Variants in NCK1 observed in about 807,000 individuals in gnomAD.
NCK1 encodes SH2/SH3 adapter protein NCK1.
A neutral mutation model predicts 36.6 loss-of-function variants in NCK1; 19 were observed. The ratio of observed to expected loss-of-function variants is 0.52; its 90% confidence interval spans 0.36 to 0.76. The LOEUF (loss-of-function observed/expected upper bound fraction) is 0.76. Among genes scored for constraint, NCK1 ranks in the 30% least tolerant of loss-of-function variants. The pLI, the probability that NCK1 is intolerant of heterozygous loss-of-function variation, is 0.00. For missense variants in NCK1, 358 were observed against 445.6 expected (o/e 0.80, Z 1.77); for synonymous variants, 165 against 156.0 (o/e 1.06, Z -0.43).
At chr3:136,877,070 A>G (rs1229681148) in intron 1 of NCK1, among the ~76,000 whole-genome samples, 1 of 152,208 alleles carries the variant, frequency 6.6e-6, no homozygotes, top group African/African-American at 2.4e-5. Flanking sequence ...CATAAGCATA[A>G]TATGAGATAT....
Position 136,948,516 on chromosome 3 carries a change from A to G in NCK1, c.*63A>G. On this transcript the variant is annotated 3_prime_UTR_variant, in exon 4 of 4. Coordinates refer to ENST00000481752, the MANE Select transcript of NCK1 (RefSeq NM_001291999.2). ...TTGTCATGTAATTGAAGACTGAGAA[A>G]ATGTTGGGTCCAGTCGTGCTTGATT... is the stretch of plus-strand genomic sequence containing the variant. 1 of 1,429,038 alleles carries G rather than the reference A, an allele frequency of 7.0e-7. No individual in the cohort carries two copies. The highest frequency in any genetic ancestry group is 9.7e-7 in the Non-Finnish European group (1 of 1,035,984). The allele number at this position is 1,429,038 out of a possible 1,614,324, so 88.5% of individuals were successfully genotyped here. A position where few individuals can be genotyped will look rare whatever the true frequency, so the allele number is the denominator to read the frequency against.
chr3:136,914,842 C>T (rs1036354038), intron 1 of NCK1, among the ~76,000 whole-genome samples: 2 of 152,106 alleles, frequency 1.3e-5, no homozygotes, highest in Non-Finnish European at 2.9e-5. Flanking sequence ...GTGTTTGGGT[C>T]GTGGGAGTGG....
At chr3:136,871,048 C>T (rs1469059678) in intron 1 of NCK1, among the ~76,000 whole-genome samples, 9 of 151,526 alleles carry the variant, frequency 5.9e-5, no homozygotes, top group Non-Finnish European at 8.8e-5. Context: ...ATTTTTTTTC[C>T]TTTTGATTAA....
At chr3:136,901,441 TG>T (rs1224368070) in intron 1 of NCK1, among the ~76,000 whole-genome samples, 1 of 152,024 alleles carries the variant, frequency 6.6e-6, no homozygotes, top group African/African-American at 2.4e-5. Flanking sequence ...TAGAATGAGT[TG>T]GGGAGAATTG....
At position 136,951,197 on chromosome 3, in the gene NCK1, T is replaced by A. The variant is rs1219251425; in HGVS notation, c.*2744T>A. ...TATCTCCAGCTGTAATGTCCTACCATATAATCCAGAGGTTGCATAGAAGCA... is the reference window on the plus strand; with the variant it reads ...TATCTCCAGCTGTAATGTCCTACCAAATAATCCAGAGGTTGCATAGAAGCA... On this transcript the variant is annotated 3_prime_UTR_variant, in exon 4 of 4. Coordinates refer to ENST00000481752, the MANE Select transcript of NCK1 (RefSeq NM_001291999.2). Among the ~76,000 whole-genome samples, 2 of 152,152 alleles carry A rather than the reference T, an allele frequency of 1.3e-5. No individual in the cohort carries two copies. The highest frequency in any genetic ancestry group is 2.9e-5 in the Non-Finnish European group (2 of 68,010).
intron 1 of NCK1, among the ~76,000 whole-genome samples, chr3:136,889,919 A>C (rs1047803546): frequency 6.6e-6 from 1 of 152,184 alleles, no homozygotes; most frequent in Non-Finnish European, 1.5e-5. Flanking sequence ...CACCAGACTC[A>C]GGAGCCCAGC....
chr3:136,872,657 G>C (rs1188794836), intron 1 of NCK1, among the ~76,000 whole-genome samples: 3 of 152,194 alleles, frequency 2.0e-5, no homozygotes, highest in Non-Finnish European at 1.5e-5. Context: ...CCCATCACAG[G>C]CGTGGAAGCC....
At chr3:136,866,489 TA>T (rs986902075) in intron 1 of NCK1, among the ~76,000 whole-genome samples, 1 of 151,962 alleles carries the variant, frequency 6.6e-6, no homozygotes, top group Admixed American at 6.6e-5. Context: ...GTATTTTTAG[TA>T]GAGACGGGGT....
chr3:136,884,543 C>A (rs1348918327), intron 1 of NCK1, among the ~76,000 whole-genome samples: 1 of 151,952 alleles, frequency 6.6e-6, no homozygotes, highest in Non-Finnish European at 1.5e-5. Flanking sequence ...TGGGTTCAGG[C>A]GATTCTTGTG....
chr3:136,942,038 C>T (rs966197205), intron 2 of NCK1, among the ~76,000 whole-genome samples: 1 of 152,132 alleles, frequency 6.6e-6, no homozygotes, highest in African/African-American at 2.4e-5. Flanking sequence ...CGGGGTTTCA[C>T]CATGTTGGCC....
intron 1 of NCK1, among the ~76,000 whole-genome samples, chr3:136,921,862 C>A (rs1214961998): frequency 6.6e-6 from 1 of 152,248 alleles, no homozygotes; most frequent in African/African-American, 2.4e-5. Context: ...CAGCTCACTG[C>A]AGTCTCCGCC....
At chr3:136,924,998 T>C (rs1940202316) in intron 1 of NCK1, among the ~76,000 whole-genome samples, 1 of 152,112 alleles carries the variant, frequency 6.6e-6, no homozygotes, top group African/African-American at 2.4e-5. Context: ...CACCAAAAAT[T>C]AGGGGGATAG....
intron 1 of NCK1, among the ~76,000 whole-genome samples, chr3:136,873,273 C>G (rs1938678664): frequency 6.6e-6 from 1 of 152,150 alleles, no homozygotes; most frequent in African/African-American, 2.4e-5. Flanking sequence ...GACATGGAGT[C>G]AAAGGAGATC....
intron 1 of NCK1, among the ~76,000 whole-genome samples, chr3:136,885,728 A>C (rs1019581844): frequency 6.6e-6 from 1 of 152,200 alleles, no homozygotes; most frequent in African/African-American, 2.4e-5. Context: ...TACTCTGTGC[A>C]CTCATTGTCC....
At chr3:136,940,685 C>T (rs1009194890) in intron 2 of NCK1, among the ~76,000 whole-genome samples, 1 of 152,036 alleles carries the variant, frequency 6.6e-6, no homozygotes, top group African/African-American at 2.4e-5. Flanking sequence ...GCTGGGATTA[C>T]AGGCACCTGA....
intron 1 of NCK1, among the ~76,000 whole-genome samples, chr3:136,916,048 C>T (rs1372743476): frequency 6.6e-6 from 1 of 152,074 alleles, no homozygotes; most frequent in Non-Finnish European, 1.5e-5. Context: ...TTTAAACAAC[C>T]AGGTCTCATG....
At chr3:136,937,755 T>C (rs1188312027) in intron 2 of NCK1, among the ~76,000 whole-genome samples, 1 of 152,226 alleles carries the variant, frequency 6.6e-6, no homozygotes, top group Non-Finnish European at 1.5e-5. Context: ...TGTTAACGTA[T>C]AGAAATACAA....
chr3:136,902,348 C>T (rs1939567240), intron 1 of NCK1, among the ~76,000 whole-genome samples: 1 of 152,086 alleles, frequency 6.6e-6, no homozygotes, highest in Non-Finnish European at 1.5e-5. Context: ...CAGGTGCATG[C>T]CACCATGCCT....
intron 1 of NCK1, among the ~76,000 whole-genome samples, chr3:136,925,134 G>A (rs1304523364): frequency 6.6e-6 from 1 of 152,090 alleles, no homozygotes; most frequent in East Asian, 1.9e-4. Flanking sequence ...TAAATTTTTA[G>A]TTATTATACC....
Sources: allele counts gnomAD v4.1 joint callset (sites outside exome capture counted in the v4.1 genomes callset), GRCh38; gene constraint gnomAD v4.1.1; transcripts MANE v1.5; gene names NCBI Gene and HGNC (gene_info 2026-07-23, HGNC 2026-07-21).